The following PHLDB2 variants were observed in gnomAD, a reference collection of about 807,000 sequenced individuals.
PHLDB2 encodes the protein pleckstrin homology like domain family B member 2, also known as pleckstrin homology-like domain family B member 2.
In PHLDB2, 71 loss-of-function variants were observed where a neutral mutation model predicts 123.6. The observed-to-expected ratio is 0.57, with a 90% CI of 0.47 to 0.70. The LOEUF (loss-of-function observed/expected upper bound fraction) is 0.70, where lower values mean the gene tolerates loss of function less well. Ranked by LOEUF, PHLDB2 falls within the 30% of genes least tolerant of loss-of-function variation. PHLDB2 has a pLI of 0.00. For synonymous variants in PHLDB2, 547 were observed against 541.6 expected, an observed-to-expected ratio of 1.01 and a Z score of -0.14; for missense variants, 1,446 against 1,519.5, an observed-to-expected ratio of 0.95 and a Z score of 0.80.
chr3:111,773,746 G>T (rs2060219038), intron 1 of PHLDB2, among the ~76,000 whole-genome samples: 3 of 152,164 alleles, frequency 2.0e-5, no homozygotes, highest in Admixed American at 2.0e-4. Context: ...AGCAAGAAAA[G>T]AGTTTATGCT....
chr3:111,764,331 G>A (rs1559819077), intron 1 of PHLDB2, among the ~76,000 whole-genome samples: 1 of 152,156 alleles, frequency 6.6e-6, no homozygotes, highest in Admixed American at 6.5e-5. Context: ...CACCCTACTT[G>A]ATACAACTGA....
rs926038644 is a variant in PHLDB2, at chr3:111,859,501, G to C, written c.-90G>C. The C allele has an allele frequency of 1.0e-5, 10 of 985,504 alleles. No homozygotes were observed. In the African/African-American group the frequency reaches 1.7e-4, roughly 17 times the overall value. 61.0% of individuals were successfully genotyped at this position (985,504 alleles called of 1,614,324 possible). A position where few individuals can be genotyped will look rare whatever the true frequency, so the allele number is the denominator to read the frequency against. ...GCGGCCCGAGGGGGACCCGACGGGGGCCCGACGGTGTGGCGTGGCGCAAGG... is the reference window on the plus strand; with the variant it reads ...GCGGCCCGAGGGGGACCCGACGGGGCCCCGACGGTGTGGCGTGGCGCAAGG... On this transcript the variant is annotated 5_prime_UTR_variant, in exon 1 of 18. Transcript: ENST00000431670.
chr3:111,839,940 C>CGGGTTT (rs2063600835), intron 1 of PHLDB2, among the ~76,000 whole-genome samples: 1 of 64,946 alleles, frequency 1.5e-5, no homozygotes, highest in Non-Finnish European at 2.6e-5. Flanking sequence ...CCCACCCCCG[C>CGGGTTT]TTTTTTTTTT....
At chr3:111,832,153 A>G (rs1268640896) in intron 1 of PHLDB2, among the ~76,000 whole-genome samples, 1 of 152,164 alleles carries the variant, frequency 6.6e-6, no homozygotes, top group Admixed American at 6.5e-5. Flanking sequence ...GACTGCTGCC[A>G]GCAACTACCA....
In PHLDB2 at chr3:111,969,692, T is replaced by C. The variant is rs1297946695; in HGVS notation, c.3318T>C (p.Ala1106=). The change falls in exon 16 of 18, where the codon GCT becomes GCC. Residue 1106 remains alanine (A), a splice_region_variant and synonymous_variant. Coordinates refer to ENST00000431670, the MANE Select transcript of PHLDB2 (RefSeq NM_001134438.2). Reference sequence around the variant, plus strand: ...CAATGGGTTTTGCACTTTTCCAGGCTCGTCCTTTGACACGCTACCTGCCTG... The same window carrying C: ...CAATGGGTTTTGCACTTTTCCAGGCCCGTCCTTTGACACGCTACCTGCCTG... ...VKIRERQRAQ[A]RPLTRYLPVR... 4.3e-6 allele frequency: 7 copies of C among 1,613,732 alleles called. No homozygotes were observed. Among genetic ancestry groups the C allele is most frequent in the Non-Finnish European group, 5.9e-6 (7 of 1,179,704 alleles).
At chr3:111,794,765 C>A (rs906935205) in intron 1 of PHLDB2, among the ~76,000 whole-genome samples, 1 of 152,210 alleles carries the variant, frequency 6.6e-6, no homozygotes, top group African/African-American at 2.4e-5. Context: ...GTCCCTGATA[C>A]ATGAATGGTA....
In PHLDB2 at chr3:111,974,592, C is replaced by G; in HGVS notation, c.*29C>G. 1 of 1,573,446 alleles carries G rather than the reference C, an allele frequency of 6.4e-7. No homozygotes were observed. Among genetic ancestry groups the G allele is most frequent in the Non-Finnish European group, 8.6e-7 (1 of 1,158,992 alleles). Reference sequence around the variant, plus strand: ...ACTGAGGCAACAGTCCACTTCAGGGCAGACGGCAATAATCTCTTACAAGAA... The same window carrying G: ...ACTGAGGCAACAGTCCACTTCAGGGGAGACGGCAATAATCTCTTACAAGAA... On this transcript the variant is annotated 3_prime_UTR_variant, in exon 18 of 18. Coordinates refer to ENST00000431670, the MANE Select transcript of PHLDB2 (RefSeq NM_001134438.2).
chr3:111,839,944 T>TC (rs1159689635), intron 1 of PHLDB2, among the ~76,000 whole-genome samples: 54 of 125,250 alleles, frequency 4.3e-4, no homozygotes, highest in African/African-American at 1.7e-3. Flanking sequence ...CCCCCGCTTT[T>TC]TTTTTTTTTT....
intron 11 of PHLDB2, among the ~76,000 whole-genome samples, chr3:111,953,550 A>G (rs1191254671): frequency 6.6e-6 from 1 of 152,312 alleles, no homozygotes; most frequent in Admixed American, 6.5e-5. Flanking sequence ...AAATGGGTGC[A>G]TTTGTAACAA....
intron 1 of PHLDB2, among the ~76,000 whole-genome samples, chr3:111,814,437 C>G (rs1408056496): frequency 3.9e-5 from 6 of 152,124 alleles, no homozygotes; most frequent in Non-Finnish European, 8.8e-5. Flanking sequence ...AACTTGAAGA[C>G]AGCCTATTGT....
intron 1 of PHLDB2, among the ~76,000 whole-genome samples, chr3:111,868,621 TTA>T (rs112734384): frequency 0.1 from 15,525 of 150,596 alleles, 1,030 homozygotes; most frequent in Non-Finnish European, 0.14. Flanking sequence ...TGAGCTGAAT[TTA>T]TATATATATA....
rs1471942011 is a variant in PHLDB2 at position 111,859,700 on chromosome 3, G to GGTTGGGGGCGGAGA, written c.-15+126_-15+139dup. The GGTTGGGGGCGGAGA allele has an allele frequency of 1.5e-4, 152 of 985,464 alleles. 3 individuals are homozygous for GGTTGGGGGCGGAGA. In the East Asian group the frequency reaches 0.011, roughly 74 times the overall value. The allele number at this position is 985,464 out of a possible 1,614,324, so 61.0% of individuals were successfully genotyped here. ...GGTTGCCGCCGGTTGCGCTGCGGAG[G>GGTTGGGGGCGGAGA]GTTGGGGGCGGAGAGGAGGCAGTGG... is the stretch of plus-strand genomic sequence containing the variant. On this transcript the variant is annotated intron_variant, in intron 1 of 17. Coordinates refer to ENST00000431670, the MANE Select transcript of PHLDB2 (RefSeq NM_001134438.2).
At chr3:111,877,446 C>A (rs1283012) in intron 1 of PHLDB2, among the ~76,000 whole-genome samples, 2,849 of 152,010 alleles carry the variant, frequency 0.019, 90 homozygotes, top group African/African-American at 0.065. Context: ...TGTTTAAGTT[C>A]TTTGTAGATT....
chr3:111,767,432 A>G (rs6804906), intron 1 of PHLDB2, among the ~76,000 whole-genome samples: 131,851 of 152,278 alleles, frequency 0.87, 57,980 homozygotes, highest in East Asian at 1. Context: ...TAGTGAATCA[A>G]ATATCTGATG....
intron 1 of PHLDB2, among the ~76,000 whole-genome samples, chr3:111,802,772 C>A (rs1053269134): frequency 2.0e-5 from 3 of 152,174 alleles, no homozygotes; most frequent in Non-Finnish European, 2.9e-5. Flanking sequence ...CTAAAACTTC[C>A]ATTTTTTCAC....
chr3:111,751,169 GT>G (rs1237073421), intron 1 of PHLDB2, among the ~76,000 whole-genome samples: 67 of 39,278 alleles, frequency 1.7e-3, no homozygotes, highest in African/African-American at 4.5e-3. Context: ...AGACAATGGG[GT>G]GTGTGTGTGT....
chr3:111,962,424 A>G (rs1226532591), intron 13 of PHLDB2, 112 bp downstream of exon 13: 1 of 878,974 alleles, frequency 1.1e-6, no homozygotes, highest in South Asian at 1.7e-5. Context: ...TTTTTGAGAC[A>G]TAAAGGGTCT....
chr3:111,786,030 A>T (rs1391244335), intron 1 of PHLDB2, among the ~76,000 whole-genome samples: 1 of 152,158 alleles, frequency 6.6e-6, no homozygotes, highest in East Asian at 1.9e-4. Flanking sequence ...AAAAGGAAGA[A>T]TTTTATATTC....
intron 1 of PHLDB2, among the ~76,000 whole-genome samples, chr3:111,836,253 C>T (rs914048327): frequency 1.4e-4 from 21 of 152,104 alleles, no homozygotes; most frequent in South Asian, 2.1e-4. Context: ...ATGAGCCAAA[C>T]GGAAGTCAGG....
Sources: allele counts gnomAD v4.1 joint callset (sites outside exome capture counted in the v4.1 genomes callset), GRCh38; gene constraint gnomAD v4.1.1; transcripts MANE v1.5; gene names NCBI Gene and HGNC (gene_info 2026-07-23, HGNC 2026-07-21).